The following SSTR3 variants were observed in gnomAD, a reference collection of about 807,000 sequenced individuals.
SSTR3 encodes somatostatin receptor type 3.
For synonymous variants in SSTR3, 281 were observed against 269.2 expected (o/e 1.04, Z -0.43); for missense variants, 504 against 604.7 (o/e 0.83, Z 1.75).
At chr22:37,217,775 C>T in the SSTR3 span, among the ~76,000 whole-genome samples, 1 of 152,176 alleles carries the variant, frequency 6.6e-6, no homozygotes, top group Non-Finnish European at 1.5e-5. Flanking sequence ...ACAATCTCAG[C>T]TCATTGCAAC....
chr22:37,216,672 TTCTC>T (rs1926461445), upstream of SSTR3, among the ~76,000 whole-genome samples: 1 of 152,198 alleles, frequency 6.6e-6, no homozygotes, highest in South Asian at 2.1e-4. Flanking sequence ...CATCCCGAGA[TTCTC>T]TCTCCATTGT....
chr22:37,212,543 A>C (rs1042696011), upstream of SSTR3, among the ~76,000 whole-genome samples: 1 of 149,798 alleles, frequency 6.7e-6, no homozygotes, highest in African/African-American at 2.5e-5. Flanking sequence ...AGGTTAAGGG[A>C]GGAGGCCCGG....
At chr22:37,211,544 T>C (rs1254543947) in intron 1 of SSTR3, among the ~76,000 whole-genome samples, 1 of 152,170 alleles carries the variant, frequency 6.6e-6, no homozygotes, top group Non-Finnish European at 1.5e-5. Context: ...AGCTGCCACG[T>C]GAGCTGGGGA....
At chr22:37,214,523 C>CG (rs1157367652), upstream of SSTR3, among the ~76,000 whole-genome samples, 4 of 151,976 alleles carry the variant, frequency 2.6e-5, no homozygotes, top group East Asian at 1.9e-4. Flanking sequence ...GGGCGGGAGG[C>CG]GGGGGGGCTC....
chr22:37,213,717 G>C (rs1447109872), upstream of SSTR3, among the ~76,000 whole-genome samples: 1 of 152,052 alleles, frequency 6.6e-6, no homozygotes, highest in African/African-American at 2.4e-5. Context: ...GTCAAGGGTG[G>C]GTTTTCCATG....
upstream of SSTR3, chr22:37,215,777 G>A (rs192591274): frequency 3.8e-4 from 107 of 283,292 alleles, no homozygotes; most frequent in African/African-American, 2.3e-3. Flanking sequence ...TCTCCTTTTG[G>A]AGCTGTACCT....
rs141729022 is a variant in SSTR3, at chr22:37,204,561, C to G, written c.*1986G>C. 6.6e-6 allele frequency: 1 copy of G among 152,362 alleles called. No homozygotes were observed. The highest frequency in any genetic ancestry group is 1.5e-5 in the Non-Finnish European group (1 of 68,122). 9.4% of individuals were successfully genotyped at this position (152,362 alleles called of 1,614,324 possible). A position where few individuals can be genotyped will look rare whatever the true frequency, so the allele number is the denominator to read the frequency against. ...TCCCTAACCCTTGGCCTCTGACCCC[C>G]CAACTGCCCATTTCTCATGGCCTAC... On this transcript the variant is annotated 3_prime_UTR_variant, in exon 2 of 2. Transcript: ENST00000610913.
chr22:37,215,128 C>T (rs1443817182), upstream of SSTR3, among the ~76,000 whole-genome samples: 1 of 152,212 alleles, frequency 6.6e-6, no homozygotes, highest in Non-Finnish European at 1.5e-5. Context: ...CCGCTTTATG[C>T]CCCTTATGCC....
At chr22:37,212,728 C>T (rs1268497760), upstream of SSTR3, among the ~76,000 whole-genome samples, 7 of 152,154 alleles carry the variant, frequency 4.6e-5, no homozygotes, top group Non-Finnish European at 1.0e-4. Flanking sequence ...ACAGGTCCCC[C>T]GGGGCAGCAG....
In SSTR3 at chr22:37,207,300, C is replaced by A; in HGVS notation, c.504G>T (p.Trp168Cys). ...PVARTVSAAV[W>C]VASAVVVLPV... ...GCAGCACCACCACGGCTGAGGCCAC[C>A]CACACAGCCGCGCTGACCGTGCGGG... is the stretch of plus-strand genomic sequence containing the variant. The change falls in exon 2 of 2, where the codon TGG (tryptophan) becomes TGT (cysteine). Residue 168 changes from tryptophan (W) to cysteine (C), a missense_variant. Transcript: ENST00000610913. 1 of 1,592,112 alleles carries A rather than the reference C, an allele frequency of 6.3e-7. No individual in the cohort carries two copies. Among genetic ancestry groups the A allele is most frequent in the African/African-American group, 1.3e-5 (1 of 74,652 alleles).
At chr22:37,213,943 C>G (rs1177682152), upstream of SSTR3, among the ~76,000 whole-genome samples, 2 of 152,242 alleles carry the variant, frequency 1.3e-5, no homozygotes, top group Admixed American at 1.3e-4. Flanking sequence ...GAAGACTGGA[C>G]AGGGGAGTTT....
At chr22:37,214,204 C>T (rs905179730), upstream of SSTR3, among the ~76,000 whole-genome samples, 1 of 152,180 alleles carries the variant, frequency 6.6e-6, no homozygotes, top group Non-Finnish European at 1.5e-5. Flanking sequence ...GGACACGCCA[C>T]CCCAGAATAC....
chr22:37,210,249 G>A (rs1926110769), intron 1 of SSTR3, among the ~76,000 whole-genome samples: 1 of 152,226 alleles, frequency 6.6e-6, no homozygotes. Flanking sequence ...ATATGCCCCT[G>A]GGGTAGCCCG....
chr22:37,206,799 C>T lies in SSTR3; in HGVS notation c.1005G>A (p.Val335=). The change falls in exon 2 of 2, where the codon GTG becomes GTA. Residue 335 remains valine (V), a synonymous_variant. Coordinates refer to ENST00000610913, the MANE Select transcript of SSTR3 (RefSeq NM_001051.5). ...RRVLLRPSRR[V]RSQEPTVGPP... Reference sequence around the variant, plus strand: ...GCCCCACAGTGGGCTCCTGGCTGCGCACACGGCGGGAGGGCCGCAGCAGGA... The same window carrying T: ...GCCCCACAGTGGGCTCCTGGCTGCGTACACGGCGGGAGGGCCGCAGCAGGA... 1 of 1,612,342 alleles carries T rather than the reference C, an allele frequency of 6.2e-7. No homozygotes were observed.
chr22:37,220,252 G>T, the SSTR3 span, among the ~76,000 whole-genome samples: 2 of 152,136 alleles, frequency 1.3e-5, no homozygotes, highest in Non-Finnish European at 2.9e-5. Context: ...GGAAGGAGCG[G>T]CTTGAGCAAG....
upstream of SSTR3, among the ~76,000 whole-genome samples, chr22:37,217,254 G>A (rs1012111771): frequency 4.6e-5 from 7 of 152,072 alleles, no homozygotes; most frequent in Non-Finnish European, 8.8e-5. Flanking sequence ...GATGGAAGGC[G>A]TCTGTCGGTG....
chr22:37,213,306 G>T (rs970064212), upstream of SSTR3, among the ~76,000 whole-genome samples: 3 of 152,202 alleles, frequency 2.0e-5, no homozygotes, highest in Non-Finnish European at 4.4e-5. Context: ...TGCCTGTGCT[G>T]ATTCCTGCCT....
rs913472800 is a variant in SSTR3, at chr22:37,207,059, G to A, written c.745C>T (p.Arg249Trp). Residue 249 changes from arginine to tryptophan, a missense_variant, in exon 2 of 2, where the codon CGG becomes TGG. By Grantham distance (101) the Arg-to-Trp change is moderately radical (BLOSUM62 -3). Coordinates refer to ENST00000610913, the MANE Select transcript of SSTR3 (RefSeq NM_001051.5). Reference protein sequence around the residue: ...RVWAPSCQRRRRSERRVTRMV... With the variant: ...RVWAPSCQRRWRSERRVTRMV... Reference sequence around the variant, plus strand: ...CGCGTGACCCTGCGTTCGGAGCGCCGCCGCCGCTGGCACGAGGGTGCCCAC... The same window carrying A: ...CGCGTGACCCTGCGTTCGGAGCGCCACCGCCGCTGGCACGAGGGTGCCCAC... 24 of 1,611,618 alleles carry A rather than the reference G, an allele frequency of 1.5e-5. No individual in the cohort carries two copies. The highest frequency in any genetic ancestry group is 5.3e-5 in the African/African-American group (4 of 74,910).
chr22:37,210,807 A>G (rs1601657126), intron 1 of SSTR3: 51 of 985,556 alleles, frequency 5.2e-5, no homozygotes, highest in Non-Finnish European at 6.0e-5. Context: ...CCCACCCGCT[A>G]GAACACTGGC....
Sources: allele counts gnomAD v4.1 joint callset (sites outside exome capture counted in the v4.1 genomes callset), GRCh38; gene constraint gnomAD v4.1.1; transcripts MANE v1.5; gene names NCBI Gene and HGNC (gene_info 2026-07-23, HGNC 2026-07-21).